DOCK4: variants seen among roughly 807,000 people sequenced by gnomAD.
DOCK4 encodes the protein dedicator of cytokinesis protein 4.
In DOCK4, 97 loss-of-function variants were observed where a neutral mutation model predicts 268.1. That is an observed-to-expected ratio of 0.36 (90% CI 0.31 to 0.43). The LOEUF is 0.43. Ranked by LOEUF, DOCK4 falls within the 20% of genes least tolerant of loss-of-function variation. The pLI is 1.00. For missense variants in DOCK4, 2,145 were observed against 2,455.7 expected, an observed-to-expected ratio of 0.87 and a Z score of 2.67; for synonymous variants, 954 against 887.2, an observed-to-expected ratio of 1.08 and a Z score of -1.34.
intron 1 of DOCK4, among the ~76,000 whole-genome samples, chr7:112,050,973 T>A (rs937434536): frequency 2.0e-5 from 3 of 152,284 alleles, no homozygotes; most frequent in Middle Eastern, 3.4e-3. Context: ...TCTTGTGACC[T>A]GGCAGTATGG....
chr7:112,153,434 A>C (rs936866544), intron 1 of DOCK4, among the ~76,000 whole-genome samples: 18 of 152,192 alleles, frequency 1.2e-4, no homozygotes, highest in African/African-American at 4.3e-4. Context: ...ATTTAAGGTT[A>C]ATGTTCCTAT....
At chr7:111,850,934 C>A (rs1415013141) in intron 23 of DOCK4, among the ~76,000 whole-genome samples, 1 of 152,190 alleles carries the variant, frequency 6.6e-6, no homozygotes, top group African/African-American at 2.4e-5. Flanking sequence ...GTAACACTTA[C>A]CATCCTCAGC....
At chr7:111,783,796 TG>T in intron 34 of DOCK4, 60 bp downstream of exon 34, 10 of 1,410,540 alleles carry the variant, frequency 7.1e-6, no homozygotes, top group Non-Finnish European at 9.8e-6. Context: ...GTATTCTATT[TG>T]ATTTTCTAAC....
chr7:111,765,107 A>G lies in DOCK4; in HGVS notation c.4020+11T>C. ...GAGCTGTGAAAGCAAATTAAATAGTATATTACTTACTCTTAAGAAAAATGG... is the reference window on the plus strand; with the variant it reads ...GAGCTGTGAAAGCAAATTAAATAGTGTATTACTTACTCTTAAGAAAAATGG... On this transcript the variant is annotated intron_variant, in intron 39 of 52. Transcript: ENST00000428084. The G allele has an allele frequency of 7.3e-7, 1 of 1,370,844 alleles. No individual in the cohort carries two copies. The highest frequency in any genetic ancestry group is 1.0e-6 in the Non-Finnish European group (1 of 1,004,690). 84.9% of individuals were successfully genotyped at this position (1,370,844 alleles called of 1,614,324 possible).
chr7:111,758,053 C>A (rs1797152554), intron 41 of DOCK4, among the ~76,000 whole-genome samples: 1 of 152,106 alleles, frequency 6.6e-6, no homozygotes, highest in Non-Finnish European at 1.5e-5. Context: ...GAACTCAACA[C>A]ACACAAAGAA....
At chr7:111,972,051 T>A (rs1797755758) in intron 8 of DOCK4, 2 of 155,324 alleles carry the variant, frequency 1.3e-5, no homozygotes, top group Non-Finnish European at 2.8e-5. Flanking sequence ...TGAAGTATTT[T>A]GAGAAGGACT....
intron 16 of DOCK4, among the ~76,000 whole-genome samples, chr7:111,885,008 T>A (rs1302902314): frequency 1.3e-5 from 2 of 152,170 alleles, no homozygotes; most frequent in Non-Finnish European, 2.9e-5. Flanking sequence ...GAGTGAGATT[T>A]TGAACTAGAG....
intron 1 of DOCK4, among the ~76,000 whole-genome samples, chr7:112,006,215 C>T (rs143883069): frequency 6.6e-6 from 1 of 152,308 alleles, no homozygotes; most frequent in African/African-American, 2.4e-5. Flanking sequence ...ATCTCCACAT[C>T]CTCACTGTAA....
intron 42 of DOCK4, among the ~76,000 whole-genome samples, chr7:111,749,884 CAGGGTGTAAACGAT>C (rs1796517491): frequency 6.6e-6 from 1 of 152,176 alleles, no homozygotes; most frequent in Non-Finnish European, 1.5e-5. Context: ...CCCCTCTAGA[CAGGGTGTAAACGAT>C]ATATCCCATT....
chr7:111,989,206 T>C (rs759263681), intron 5 of DOCK4, 43 bp from the exon 6 acceptor site: 3 of 1,607,396 alleles, frequency 1.9e-6, no homozygotes, highest in Admixed American at 1.7e-5. Flanking sequence ...TCAGTACCTA[T>C]ACTGAGTTGT....
Position 111,727,977 on chromosome 7 carries a change from A to AT in DOCK4, c.*296dup. On this transcript the variant is annotated 3_prime_UTR_variant, in exon 53 of 53. Coordinates refer to ENST00000428084, the MANE Select transcript of DOCK4 (RefSeq NM_001363540.2). ...TTGACAATATCGTATTGGTTTTAAG[A>AT]TTAAACTATATAAAAAAAAGTGAAC... The AT allele has an allele frequency of 3.3e-6, 1 of 305,492 alleles. No homozygotes were observed. Among genetic ancestry groups the AT allele is most frequent in the Non-Finnish European group, 5.9e-6 (1 of 168,568 alleles). The allele number at this position is 305,492 out of a possible 1,614,324, so 18.9% of individuals were successfully genotyped here. A position where few individuals can be genotyped will look rare whatever the true frequency, so the allele number is the denominator to read the frequency against.
At chr7:111,912,322 T>C (rs867083583) in intron 13 of DOCK4, among the ~76,000 whole-genome samples, 2 of 152,162 alleles carry the variant, frequency 1.3e-5, no homozygotes, top group Admixed American at 1.3e-4. Flanking sequence ...GTTTTTCCCT[T>C]TTCTTGGTTG....
intron 41 of DOCK4, among the ~76,000 whole-genome samples, chr7:111,756,264 G>A (rs1797011721): frequency 1.3e-5 from 2 of 152,174 alleles, no homozygotes; most frequent in Admixed American, 1.3e-4. Context: ...CAGAAGAATG[G>A]CGTGAACTTG....
intron 49 of DOCK4, among the ~76,000 whole-genome samples, chr7:111,738,111 T>G (rs1018224467): frequency 1.1e-4 from 17 of 152,312 alleles, no homozygotes; most frequent in South Asian, 2.1e-4. Flanking sequence ...TTCCCAAATC[T>G]TTAAAACTCA....
intron 7 of DOCK4, among the ~76,000 whole-genome samples, chr7:111,980,678 C>A (rs1023830388): frequency 6.6e-6 from 1 of 152,152 alleles, no homozygotes; most frequent in African/African-American, 2.4e-5. Context: ...CTACCAGATG[C>A]CAATAGTACC....
intron 25 of DOCK4, among the ~76,000 whole-genome samples, chr7:111,842,331 A>C (rs1484956119): frequency 3.0e-4 from 46 of 152,216 alleles, no homozygotes; most frequent in Non-Finnish European, 1.2e-4. Context: ...TGAAAGACCA[A>C]TAGTTGGTAG....
At chr7:112,099,377 C>A (rs570756686) in intron 1 of DOCK4, among the ~76,000 whole-genome samples, 1 of 151,714 alleles carries the variant, frequency 6.6e-6, no homozygotes, top group African/African-American at 2.4e-5. Flanking sequence ...ATCTATAATG[C>A]GACCCACCAC....
intron 1 of DOCK4, among the ~76,000 whole-genome samples, chr7:112,015,556 G>A (rs1801744868): frequency 6.6e-6 from 1 of 152,056 alleles, no homozygotes; most frequent in Non-Finnish European, 1.5e-5. Context: ...TTGGGGTCTG[G>A]ATCAGGACCC....
At chr7:112,026,400 C>A (rs1199888442) in intron 1 of DOCK4, among the ~76,000 whole-genome samples, 1 of 152,062 alleles carries the variant, frequency 6.6e-6, no homozygotes, top group Non-Finnish European at 1.5e-5. Flanking sequence ...CTGAAACATC[C>A]CCCCCACTCA....
Sources: gnomAD v4.1 joint callset for allele counts (sites outside exome capture counted in the v4.1 genomes callset) on GRCh38, gnomAD v4.1.1 for gene constraint, MANE v1.5 for transcripts, NCBI Gene and HGNC (gene_info 2026-07-23, HGNC 2026-07-21) for gene names.